EPB41L4A: variants seen among roughly 807,000 people sequenced by gnomAD.
EPB41L4A encodes the protein erythrocyte membrane protein band 4.1 like 4A, also known as band 4.1-like protein 4A.
Under a neutral mutation model 108.6 loss-of-function variants are expected in EPB41L4A, and 100 were observed. The ratio of observed to expected loss-of-function variants is 0.92; its 90% CI spans 0.78 to 1.09. The LOEUF is 1.09. Ranked by LOEUF, EPB41L4A falls within the 50% of genes least tolerant of loss-of-function variation. The probability of loss-of-function intolerance (pLI) is 0.00; values close to 1 mark genes in which losing one functional copy is unlikely to be tolerated. For synonymous variants in EPB41L4A, 319 were observed against 289.0 expected (o/e 1.10, Z -1.05); for missense variants, 1,030 against 842.7 (o/e 1.22, Z -2.75).
At chr5:112,280,389 T>C (rs1752892462) in intron 2 of EPB41L4A, 66 bp from the exon 3 acceptor site, 1 of 1,419,942 alleles carries the variant, frequency 7.0e-7, no homozygotes, top group Admixed American at 1.7e-5. Flanking sequence ...ACTTCAAGAA[T>C]ATTTGCAAAA....
intron 1 of EPB41L4A, among the ~76,000 whole-genome samples, chr5:112,386,753 TTAGAG>T (rs1164043342): frequency 5.9e-5 from 9 of 152,160 alleles, no homozygotes; most frequent in African/African-American, 2.2e-4. Context: ...TGACTGGATA[TTAGAG>T]TAAAGAAAGA....
chr5:112,346,617 A>T (rs1271984430), intron 1 of EPB41L4A, among the ~76,000 whole-genome samples: 1 of 152,244 alleles, frequency 6.6e-6, no homozygotes, highest in African/African-American at 2.4e-5. Flanking sequence ...CTTTGAGTAT[A>T]GATCATTCTG....
intron 1 of EPB41L4A, among the ~76,000 whole-genome samples, chr5:112,345,547 A>G (rs1169941867): frequency 6.6e-6 from 1 of 152,158 alleles, no homozygotes; most frequent in Non-Finnish European, 1.5e-5. Context: ...GAGATTGTAG[A>G]ATAATTTTTT....
intron 1 of EPB41L4A, 117 bp downstream of exon 1, chr5:112,418,824 C>T: frequency 1.4e-6 from 1 of 715,360 alleles, no homozygotes; most frequent in Non-Finnish European, 2.4e-6. Context: ...GCCTCTCCTC[C>T]CCACCGCGCA....
At chr5:112,213,622 G>A (rs1025593526) in intron 12 of EPB41L4A, among the ~76,000 whole-genome samples, 2 of 152,164 alleles carry the variant, frequency 1.3e-5, no homozygotes, top group African/African-American at 2.4e-5. Flanking sequence ...CCAAGGTGCT[G>A]GGATAACAGG....
chr5:112,223,282 T>C (rs1748202670), intron 12 of EPB41L4A, among the ~76,000 whole-genome samples: 1 of 152,000 alleles, frequency 6.6e-6, no homozygotes, highest in Non-Finnish European at 1.5e-5. Flanking sequence ...TCTCTCCCTA[T>C]AACCTACCAA....
At chr5:112,382,850 G>C (rs1760260682) in intron 1 of EPB41L4A, among the ~76,000 whole-genome samples, 1 of 152,120 alleles carries the variant, frequency 6.6e-6, no homozygotes, top group African/African-American at 2.4e-5. Flanking sequence ...CTCTTACTGG[G>C]CAATCACTGC....
At chr5:112,357,903 G>A (rs1036542150) in intron 1 of EPB41L4A, among the ~76,000 whole-genome samples, 1 of 152,168 alleles carries the variant, frequency 6.6e-6, no homozygotes, top group Non-Finnish European at 1.5e-5. Flanking sequence ...CTACAGATGG[G>A]CTTGTCAATA....
In EPB41L4A at chr5:112,164,886, T is replaced by C. The variant is rs1760136856; in HGVS notation, c.*104A>G. ...AATGTATTTTCTCATGCTGAAGAAATACTTGCAGGTCTGAGATTTGAATTA... is the reference window on the plus strand; with the variant it reads ...AATGTATTTTCTCATGCTGAAGAAACACTTGCAGGTCTGAGATTTGAATTA... On this transcript the variant is annotated 3_prime_UTR_variant, in exon 23 of 23. Coordinates refer to ENST00000261486, the MANE Select transcript of EPB41L4A (RefSeq NM_022140.5). 14 of 1,075,230 alleles carry C rather than the reference T, an allele frequency of 1.3e-5. No individual in the cohort carries two copies. The South Asian group carries it at 3.1e-4, about 24-fold the overall frequency. 66.6% of individuals were successfully genotyped at this position (1,075,230 alleles called of 1,614,324 possible).
chr5:112,386,167 A>G (rs1229401280), intron 1 of EPB41L4A, among the ~76,000 whole-genome samples: 1 of 152,236 alleles, frequency 6.6e-6, no homozygotes, highest in Non-Finnish European at 1.5e-5. Flanking sequence ...TAACGAAGGC[A>G]TTATCACCCA....
At chr5:112,314,259 T>C (rs1232433800) in intron 1 of EPB41L4A, among the ~76,000 whole-genome samples, 1 of 151,976 alleles carries the variant, frequency 6.6e-6, no homozygotes, top group Non-Finnish European at 1.5e-5. Context: ...TGCACCCCCA[T>C]TCCTTAACAT....
intron 17 of EPB41L4A, among the ~76,000 whole-genome samples, chr5:112,189,240 T>C (rs1230561714): frequency 6.6e-6 from 1 of 152,242 alleles, no homozygotes; most frequent in Non-Finnish European, 1.5e-5. Context: ...TACTGAGCAG[T>C]GCTGGATGTT....
intron 11 of EPB41L4A, among the ~76,000 whole-genome samples, chr5:112,239,252 A>G (rs540218358): frequency 3.9e-5 from 6 of 152,250 alleles, no homozygotes; most frequent in Admixed American, 1.3e-4. Context: ...TGCAGAAAAA[A>G]CAAGGTTTGA....
intron 3 of EPB41L4A, 100 bp from the exon 4 acceptor site, chr5:112,275,504 T>C: frequency 1.5e-6 from 2 of 1,313,090 alleles, no homozygotes; most frequent in South Asian, 3.1e-5. Flanking sequence ...TCCAAGATTG[T>C]CTAAAGAAAC....
intron 10 of EPB41L4A, among the ~76,000 whole-genome samples, 197 bp downstream of exon 10, chr5:112,240,522 G>A (rs533240924): frequency 6.6e-6 from 1 of 152,224 alleles, no homozygotes; most frequent in South Asian, 2.1e-4. Context: ...ATGTGTATAA[G>A]TGCCTATGTG....
At chr5:112,264,314 G>A (rs968880444) in intron 6 of EPB41L4A, 2 of 152,274 alleles carry the variant, frequency 1.3e-5, no homozygotes, top group Admixed American at 6.5e-5. Context: ...TGCATGCAGT[G>A]TTATCACCAT....
chr5:112,149,536 G>A (rs1448852156), intron 12 of EPB41L4A, among the ~76,000 whole-genome samples: 1 of 152,074 alleles, frequency 6.6e-6, no homozygotes, highest in African/African-American at 2.4e-5. Context: ...GAATTGTTAC[G>A]TTTATACATA....
At chr5:112,203,292 T>C (rs1383015084) in intron 15 of EPB41L4A, among the ~76,000 whole-genome samples, 2 of 151,610 alleles carry the variant, frequency 1.3e-5, no homozygotes, top group Non-Finnish European at 2.9e-5. Flanking sequence ...GGGGGCAGAG[T>C]TTGCAGTGAG....
intron 12 of EPB41L4A, among the ~76,000 whole-genome samples, chr5:112,230,475 T>C (rs1193461029): frequency 2.0e-5 from 3 of 152,222 alleles, no homozygotes; most frequent in Non-Finnish European, 1.5e-5. Context: ...AATTCCCTGA[T>C]CATTAGTGAT....
Sources: gnomAD v4.1 joint callset for allele counts (sites outside exome capture counted in the v4.1 genomes callset) on GRCh38, gnomAD v4.1.1 for gene constraint, MANE v1.5 for transcripts, NCBI Gene and HGNC (gene_info 2026-07-23, HGNC 2026-07-21) for gene names.